RSBN1L: variants seen among roughly 807,000 people sequenced by gnomAD.
RSBN1L encodes the protein round spermatid basic protein 1 like.
A neutral mutation model predicts 67.7 loss-of-function variants in RSBN1L; 30 were observed. The observed-to-expected ratio is 0.44, with a 90% CI of 0.33 to 0.60. The LOEUF (loss-of-function observed/expected upper bound fraction) is 0.60, where lower values mean the gene tolerates loss of function less well. RSBN1L is among the 20% of genes least tolerant of loss of function. The pLI, the probability that RSBN1L is intolerant of heterozygous loss-of-function variation, is 0.02. For missense variants in RSBN1L, 992 were observed against 1,031.7 expected (o/e 0.96, Z 0.53); for synonymous variants, 433 against 387.0 (o/e 1.12, Z -1.39).
rs1378018947 is a variant in RSBN1L at position 77,778,402 on chromosome 7, G to C, written c.1858G>C (p.Val620Leu). Residue 620 changes from valine to leucine, a missense_variant, in exon 7 of 8, where the codon GTT becomes CTT. By Grantham distance (32) the Val-to-Leu change is conservative. Around this residue, in one of 7 missense-constraint regions of RSBN1L, gnomAD observed 55 missense variants for 112.8 expected, o/e 0.49. Coordinates refer to ENST00000334955, the MANE Select transcript of RSBN1L (RefSeq NM_198467.3). Reference protein sequence around the residue: ...CFHAEDFLEVVQRMQLDLHEP... With the variant: ...CFHAEDFLEVLQRMQLDLHEP... ...TCATGCTGAAGATTTCTTAGAAGTA[G>C]TTCAACGAATGCAGTTAGATTTACA... 4.3e-6 allele frequency: 7 copies of C among 1,613,540 alleles called. No individual in the cohort carries two copies. Among genetic ancestry groups the C allele is most frequent in the Non-Finnish European group, 5.9e-6 (7 of 1,179,714 alleles).
chr7:77,714,958 CAAAAA>C (rs35501995), intron 1 of RSBN1L, among the ~76,000 whole-genome samples: 3 of 91,496 alleles, frequency 3.3e-5, no homozygotes, highest in Non-Finnish European at 6.6e-5. Flanking sequence ...GACTCCATCT[CAAAAA>C]AAAAAAAAAA....
In RSBN1L at chr7:77,696,529, C is replaced by T; in HGVS notation, c.60C>T (p.Val20=). ...CVAAAAPTAT[V]SEKEPFGKLQ... is the part of the protein sequence containing the mutation. The stretch of plus-strand genomic sequence containing the variant: ...CTGCCGCGGCCCCCACCGCCACCGT[C>T]TCGGAGAAAGAACCGTTTGGCAAGC... The change falls in exon 1 of 8, where the codon GTC becomes GTT. Residue 20 remains valine (V), a synonymous_variant. Transcript: ENST00000334955. The T allele has an allele frequency of 6.2e-7, 1 of 1,613,976 alleles. No individual in the cohort carries two copies.
chr7:77,721,139 C>T (rs1187725221), intron 1 of RSBN1L, among the ~76,000 whole-genome samples: 2 of 151,702 alleles, frequency 1.3e-5, no homozygotes, highest in African/African-American at 4.8e-5. Context: ...GGAGAACTTT[C>T]TGTTTCTTGC....
At chr7:77,761,833 T>C (rs1412920047) in intron 3 of RSBN1L, among the ~76,000 whole-genome samples, 12 of 152,218 alleles carry the variant, frequency 7.9e-5, no homozygotes, top group Admixed American at 7.9e-4. Context: ...AATTTAATAC[T>C]TTTACAGATT....
At chr7:77,726,686 C>T (rs897173521) in intron 1 of RSBN1L, among the ~76,000 whole-genome samples, 15 of 148,716 alleles carry the variant, frequency 1.0e-4, no homozygotes, top group African/African-American at 3.5e-4. Flanking sequence ...CTAGGTTCAC[C>T]GCAACTTCTG....
chr7:77,755,655 A>C (rs888466197), intron 3 of RSBN1L, among the ~76,000 whole-genome samples: 2 of 136,084 alleles, frequency 1.5e-5, no homozygotes, highest in African/African-American at 3.1e-5. Context: ...TGACAGAGTG[A>C]GACTTGTCTC....
intron 2 of RSBN1L, among the ~76,000 whole-genome samples, chr7:77,747,367 G>A (rs992323302): frequency 6.6e-6 from 1 of 152,226 alleles, no homozygotes; most frequent in Admixed American, 6.5e-5. Context: ...CGTTGTGGCA[G>A]CTCCTCCCAT....
intron 2 of RSBN1L, among the ~76,000 whole-genome samples, chr7:77,743,652 A>T (rs533758403): frequency 6.6e-6 from 1 of 151,804 alleles, no homozygotes; most frequent in Non-Finnish European, 1.5e-5. Flanking sequence ...GGTGTTAGGC[A>T]TAAGTGTAGG....
chr7:77,713,945 G>T (rs1303754697), intron 1 of RSBN1L, among the ~76,000 whole-genome samples: 3 of 152,056 alleles, frequency 2.0e-5, no homozygotes, highest in East Asian at 3.9e-4. Context: ...ACAAAATTAG[G>T]AATCCAAATT....
intron 5 of RSBN1L, among the ~76,000 whole-genome samples, chr7:77,770,946 T>C (rs1791840527): frequency 6.6e-6 from 1 of 152,176 alleles, no homozygotes; most frequent in African/African-American, 2.4e-5. Flanking sequence ...TGTTTTGTTT[T>C]GTTTGTTTGT....
Position 77,736,464 on chromosome 7 carries a change from A to G in RSBN1L, c.641A>G (p.Lys214Arg), listed in dbSNP as rs1231534003. The G allele has an allele frequency of 8.3e-7, 1 of 1,201,352 alleles. No homozygotes were observed. The highest frequency in any genetic ancestry group is 1.2e-6 in the Non-Finnish European group (1 of 857,304). The allele number at this position is 1,201,352 out of a possible 1,614,324, so 74.4% of individuals were successfully genotyped here. A position where few individuals can be genotyped will look rare whatever the true frequency, so the allele number is the denominator to read the frequency against. Reference protein sequence around the residue: ...ERDKEKEREKKKHKVMNEIKK... With the variant: ...ERDKEKEREKRKHKVMNEIKK... Reference sequence around the variant, plus strand: ...GACAAAGAAAAAGAAAGAGAAAAAAAGAAACATAAAGTAATGAATGAGATC... The same window carrying G: ...GACAAAGAAAAAGAAAGAGAAAAAAGGAAACATAAAGTAATGAATGAGATC... The change falls in exon 2 of 8, where the codon AAG becomes AGG. Residue 214 changes from lysine (K) to arginine (R), a missense_variant. Lys to Arg is a conservative substitution (Grantham distance 26, BLOSUM62 2). This residue lies in a region of RSBN1L where 575 missense variants were observed against 483.2 expected (regional missense o/e 1.19). Transcript: ENST00000334955.
intron 1 of RSBN1L, among the ~76,000 whole-genome samples, chr7:77,703,828 T>G (rs1255101110): frequency 6.6e-6 from 1 of 151,960 alleles, no homozygotes; most frequent in South Asian, 2.1e-4. Context: ...CTTGCTCTGT[T>G]GCCCAGGTTG....
chr7:77,712,631 C>G (rs926890882), intron 1 of RSBN1L, among the ~76,000 whole-genome samples: 1 of 152,108 alleles, frequency 6.6e-6, no homozygotes, highest in Non-Finnish European at 1.5e-5. Flanking sequence ...CTGCAACCTG[C>G]TTTTTTCATT....
chr7:77,715,016 A>G (rs1395312931), intron 1 of RSBN1L, among the ~76,000 whole-genome samples: 1 of 151,890 alleles, frequency 6.6e-6, no homozygotes, highest in East Asian at 1.9e-4. Flanking sequence ...TCATGCTTGT[A>G]ATCCCAGTAC....
chr7:77,736,914 T>C (rs1791344990), intron 2 of RSBN1L, among the ~76,000 whole-genome samples: 1 of 152,202 alleles, frequency 6.6e-6, no homozygotes, highest in Non-Finnish European at 1.5e-5. Context: ...CTTAAAAATA[T>C]TTGACTGTCA....
chr7:77,729,679 G>T (rs1791249706), intron 1 of RSBN1L, among the ~76,000 whole-genome samples: 2 of 152,190 alleles, frequency 1.3e-5, no homozygotes, highest in African/African-American at 4.8e-5. Flanking sequence ...TAGGCTGGGT[G>T]CAGTGGCTCA....
intron 3 of RSBN1L, among the ~76,000 whole-genome samples, chr7:77,758,951 T>C (rs1226160436): frequency 6.6e-6 from 1 of 152,184 alleles, no homozygotes; most frequent in African/African-American, 2.4e-5. Flanking sequence ...CCACCCTTCC[T>C]CCACTTCCAA....
chr7:77,712,609 T>G (rs1399741654), intron 1 of RSBN1L, among the ~76,000 whole-genome samples: 1 of 152,210 alleles, frequency 6.6e-6, no homozygotes, highest in Non-Finnish European at 1.5e-5. Flanking sequence ...CACACAACAT[T>G]GTTTATGTGT....
At chr7:77,747,947 T>C (rs921394121) in intron 2 of RSBN1L, among the ~76,000 whole-genome samples, 10 of 151,774 alleles carry the variant, frequency 6.6e-5, no homozygotes, top group African/African-American at 2.4e-4. Context: ...TCACATCAAA[T>C]GGATAGAAAA....
Sources: gnomAD v4.1 joint callset for allele counts (sites outside exome capture counted in the v4.1 genomes callset) on GRCh38, gnomAD v4.1.1 for gene constraint, gnomAD v4.1.1 regional missense constraint, MANE v1.5 for transcripts, NCBI Gene and HGNC (gene_info 2026-07-23, HGNC 2026-07-21) for gene names.